Variants in CTNNA3 observed in about 807,000 individuals in gnomAD.
CTNNA3 encodes the protein catenin alpha 3, also known as catenin alpha-3.
In CTNNA3, 76 loss-of-function variants were observed where a neutral mutation model predicts 95.7. The ratio of observed to expected loss-of-function variants is 0.79; its 90% confidence interval spans 0.66 to 0.96. The LOEUF (loss-of-function observed/expected upper bound fraction) is 0.96. CTNNA3 is among the 40% of genes least tolerant of loss of function. The pLI, the probability that CTNNA3 is intolerant of heterozygous loss-of-function variation, is 0.00. For missense variants in CTNNA3, 1,191 were observed against 1,089.8 expected (o/e 1.09, Z -1.31); for synonymous variants, 431 against 374.4 (o/e 1.15, Z -1.74).
intron 13 of CTNNA3, among the ~76,000 whole-genome samples, chr10:66,278,179 G>C (rs1224164779): frequency 1.5e-5 from 2 of 133,524 alleles, no homozygotes; most frequent in Non-Finnish European, 3.2e-5. Context: ...TGCATACATA[G>C]GCATACAAGA....
intron 1 of CTNNA3, among the ~76,000 whole-genome samples, chr10:67,703,655 C>G (rs1841059046): frequency 6.6e-6 from 1 of 152,076 alleles, no homozygotes; most frequent in Non-Finnish European, 1.5e-5. Context: ...TATGACAGAC[C>G]CACAGCCAAT....
intron 15 of CTNNA3, among the ~76,000 whole-genome samples, chr10:66,039,352 A>G (rs917686161): frequency 2.0e-5 from 3 of 152,178 alleles, no homozygotes; most frequent in Admixed American, 1.3e-4. Flanking sequence ...CTATCAAACT[A>G]CCAAGGATAT....
intron 10 of CTNNA3, among the ~76,000 whole-genome samples, chr10:66,579,322 T>A (rs1196361134): frequency 6.6e-6 from 1 of 151,852 alleles, no homozygotes; most frequent in Non-Finnish European, 1.5e-5. Context: ...AGTTCTTACA[T>A]CAAGTATTAC....
At chr10:67,043,005 T>C (rs1049860524) in intron 7 of CTNNA3, among the ~76,000 whole-genome samples, 12 of 151,876 alleles carry the variant, frequency 7.9e-5, no homozygotes, top group Non-Finnish European at 1.3e-4. Flanking sequence ...ACCGGTGGAA[T>C]AGTACAAAAG....
In CTNNA3 at chr10:66,329,027, T is replaced by C. The variant is rs1055974360; in HGVS notation, c.1733-48406A>G. 4.7e-5 allele frequency among the ~76,000 whole-genome samples: 7 copies of C among 150,308 alleles called. No individual in the cohort carries two copies. In the South Asian group the frequency reaches 1.5e-3, roughly 32 times the overall value. ...GTGCAATGTCACGATCTCGGCTCAC[T>C]GCAACCTCTGCCTCCGGAATTCAAG... is the stretch of plus-strand genomic sequence containing the variant. On this transcript the variant is annotated intron_variant, in intron 12 of 17. Coordinates refer to ENST00000433211, the MANE Select transcript of CTNNA3 (RefSeq NM_013266.4).
chr10:66,755,086 G>T (rs1360279431), intron 9 of CTNNA3, among the ~76,000 whole-genome samples: 1 of 152,080 alleles, frequency 6.6e-6, no homozygotes, highest in African/African-American at 2.4e-5. Flanking sequence ...TATGAACAGA[G>T]AATGAAATGC....
At chr10:66,393,038 T>C (rs2092946333) in intron 11 of CTNNA3, among the ~76,000 whole-genome samples, 1 of 152,042 alleles carries the variant, frequency 6.6e-6, no homozygotes, top group Admixed American at 6.6e-5. Flanking sequence ...GAACGCTCAG[T>C]CAATGGAATG....
chr10:67,006,384 CT>C (rs1019465450), intron 7 of CTNNA3, among the ~76,000 whole-genome samples: 6 of 152,156 alleles, frequency 3.9e-5, no homozygotes, highest in African/African-American at 1.2e-4. Context: ...ATCTATCCCC[CT>C]CCACCCCTTC....
chr10:66,741,678 C>T (rs566164577), intron 9 of CTNNA3, among the ~76,000 whole-genome samples: 245 of 152,328 alleles, frequency 1.6e-3, no homozygotes, highest in African/African-American at 5.8e-3. Context: ...AATGGAGGGA[C>T]TGGCTGAAGC....
intron 10 of CTNNA3, among the ~76,000 whole-genome samples, chr10:66,532,468 A>T (rs935130774): frequency 1.6e-4 from 5 of 30,524 alleles, no homozygotes; most frequent in South Asian, 2.5e-3. Flanking sequence ...TCTCAAAAAG[A>T]AAAAAAAAAA....
chr10:66,134,289 T>C (rs751806777), intron 13 of CTNNA3, among the ~76,000 whole-genome samples: 4 of 152,166 alleles, frequency 2.6e-5, no homozygotes, highest in Non-Finnish European at 5.9e-5. Flanking sequence ...ACTCTGTTGG[T>C]GTGGCTGTGG....
intron 11 of CTNNA3, among the ~76,000 whole-genome samples, chr10:66,420,938 G>A (rs2093188291): frequency 6.6e-6 from 1 of 152,092 alleles, no homozygotes; most frequent in South Asian, 2.1e-4. Flanking sequence ...AAAGAAATCG[G>A]TATATCAAAG....
At chr10:66,597,708 G>A (rs1349861023) in intron 10 of CTNNA3, among the ~76,000 whole-genome samples, 1 of 151,042 alleles carries the variant, frequency 6.6e-6, no homozygotes, top group East Asian at 1.9e-4. Flanking sequence ...GCACAGGAGA[G>A]TGCGGATGAT....
intron 13 of CTNNA3, among the ~76,000 whole-genome samples, chr10:66,159,935 T>C (rs1053341348): frequency 3.9e-5 from 6 of 152,058 alleles, no homozygotes; most frequent in African/African-American, 1.4e-4. Flanking sequence ...AATATATTCA[T>C]CTCTTCTAAG....
chr10:67,226,204 C>A (rs1461081696), intron 5 of CTNNA3, among the ~76,000 whole-genome samples: 1 of 152,116 alleles, frequency 6.6e-6, no homozygotes, highest in East Asian at 1.9e-4. Context: ...ATGAACAAAG[C>A]CTCCAAGAAG....
intron 15 of CTNNA3, among the ~76,000 whole-genome samples, chr10:66,066,328 C>G (rs1411961709): frequency 6.6e-6 from 1 of 152,036 alleles, no homozygotes; most frequent in African/African-American, 2.4e-5. Flanking sequence ...ATTATTTAAA[C>G]CCATGAAAGT....
chr10:66,642,263 CACACACACACACACAA>C (rs1041988165), intron 9 of CTNNA3, among the ~76,000 whole-genome samples: 27 of 70,324 alleles, frequency 3.8e-4, no homozygotes, highest in African/African-American at 5.6e-4. Flanking sequence ...AATACACACA[CACACACACACACACAA>C]ACACACACAC....
At chr10:67,408,899 A>AAG (rs139665918) in intron 5 of CTNNA3, among the ~76,000 whole-genome samples, 1 of 150,862 alleles carries the variant, frequency 6.6e-6, no homozygotes, top group Non-Finnish European at 1.5e-5. Context: ...AAAAAAAAAA[A>AAG]AGCCATTATA....
intron 17 of CTNNA3, among the ~76,000 whole-genome samples, chr10:65,940,955 G>T (rs1205929024): frequency 1.3e-5 from 2 of 152,094 alleles, no homozygotes; most frequent in African/African-American, 4.8e-5. Flanking sequence ...CATGCCAAAA[G>T]TATTATATCC....
Sources: allele counts gnomAD v4.1 joint callset (sites outside exome capture counted in the v4.1 genomes callset), GRCh38; gene constraint gnomAD v4.1.1; transcripts MANE v1.5; gene names NCBI Gene and HGNC (gene_info 2026-07-23, HGNC 2026-07-21).